Variants in LIFR observed in about 807,000 individuals in gnomAD.
LIFR encodes LIF receptor subunit alpha.
A neutral mutation model predicts 122.2 loss-of-function variants in LIFR; 84 were observed. The observed-to-expected ratio is 0.69, with a 90% CI of 0.58 to 0.82. The LOEUF (loss-of-function observed/expected upper bound fraction) is 0.82, where lower values mean the gene tolerates loss of function less well. Ranked by LOEUF, LIFR falls within the 40% of genes least tolerant of loss-of-function variation. The pLI is 0.00. For missense variants in LIFR, 1,294 were observed against 1,311.6 expected, an observed-to-expected ratio of 0.99 and a Z score of 0.21; for synonymous variants, 422 against 434.7, an observed-to-expected ratio of 0.97 and a Z score of 0.36.
At chr5:38,556,786 G>C (rs1254627116), upstream of LIFR, 2 of 145,514 alleles carry the variant, frequency 1.4e-5, no homozygotes, top group African/African-American at 5.0e-5. Context: ...GCGCGCCCGC[G>C]CGCGCGGGTG....
chr5:38,585,163 G>C (rs1446241960), intron 1 of LIFR, among the ~76,000 whole-genome samples: 2 of 152,150 alleles, frequency 1.3e-5, no homozygotes, highest in Non-Finnish European at 2.9e-5. Flanking sequence ...AAGAAATAAA[G>C]AGAATTTAAG....
At position 38,489,251 on chromosome 5, in the gene LIFR, A is replaced by G. The variant is rs1416303707; in HGVS notation, c.2168-6T>C. The G allele has an allele frequency of 6.2e-7, 1 of 1,610,182 alleles. No homozygotes were observed. Among genetic ancestry groups the G allele is most frequent in the Non-Finnish European group, 8.5e-7 (1 of 1,177,804 alleles). ...ATTTGGTGCAACAATGGGAGCTGTA[A>G]AAGGAAAAAGTCAATTGCTAAAGGG... On this transcript the variant is annotated splice_region_variant and splice_polypyrimidine_tract_variant and intron_variant, in intron 15 of 19. Coordinates refer to ENST00000453190, the MANE Select transcript of LIFR (RefSeq NM_001127671.2).
At chr5:38,571,740 TG>T (rs1379282182) in intron 1 of LIFR, among the ~76,000 whole-genome samples, 1 of 152,200 alleles carries the variant, frequency 6.6e-6, no homozygotes, top group Non-Finnish European at 1.5e-5. Context: ...CCATGGTCAA[TG>T]AATTTGGAAA....
chr5:38,523,233 T>C (rs982524432), intron 5 of LIFR, among the ~76,000 whole-genome samples, 186 bp downstream of exon 5: 2 of 152,202 alleles, frequency 1.3e-5, no homozygotes, highest in African/African-American at 4.8e-5. Flanking sequence ...TCTGTAATGG[T>C]TACACATCAT....
chr5:38,583,979 C>T (rs1046307527), intron 1 of LIFR, among the ~76,000 whole-genome samples: 6 of 152,048 alleles, frequency 3.9e-5, no homozygotes, highest in African/African-American at 1.4e-4. Flanking sequence ...CCATGTGAGG[C>T]CTCCCCAGCC....
At chr5:38,546,783 C>A (rs373259660) in intron 1 of LIFR, among the ~76,000 whole-genome samples, 1 of 152,188 alleles carries the variant, frequency 6.6e-6, no homozygotes, top group Non-Finnish European at 1.5e-5. Flanking sequence ...CGTCCACTGT[C>A]CCTGTAAGCA....
upstream of LIFR, among the ~76,000 whole-genome samples, chr5:38,598,229 T>TA (rs1750149166): frequency 4.5e-5 from 2 of 44,436 alleles, no homozygotes; most frequent in Admixed American, 2.4e-4. Context: ...TTTTTTTTTT[T>TA]TTTATTTATT....
At chr5:38,525,426 A>G (rs2112552319) in intron 4 of LIFR, among the ~76,000 whole-genome samples, 3 of 152,352 alleles carry the variant, frequency 2.0e-5, no homozygotes, top group Middle Eastern at 6.8e-3. Flanking sequence ...GGGCTAGGGT[A>G]GCTGAATATG....
intron 1 of LIFR, among the ~76,000 whole-genome samples, chr5:38,569,118 G>T (rs896414250): frequency 3.9e-5 from 6 of 152,154 alleles, no homozygotes; most frequent in African/African-American, 9.7e-5. Context: ...GCACCATATC[G>T]CAACACCCTG....
rs1367019175 is a variant in LIFR, at chr5:38,526,547, G to A, written c.397+608C>T. On this transcript the variant is annotated intron_variant, in intron 4 of 19. Coordinates refer to ENST00000453190, the MANE Select transcript of LIFR (RefSeq NM_001127671.2). Reference sequence around the variant, plus strand: ...CTTTTATTTAGTAGCAAATTGTCAAGAGATCCAGATCCTCTAAAGGACAGC... The same window carrying A: ...CTTTTATTTAGTAGCAAATTGTCAAAAGATCCAGATCCTCTAAAGGACAGC... 2.6e-5 allele frequency among the ~76,000 whole-genome samples: 4 copies of A among 152,048 alleles called. 1 individual carries two copies. In the East Asian group the frequency reaches 7.7e-4, roughly 29 times the overall value.
intron 1 of LIFR, among the ~76,000 whole-genome samples, chr5:38,578,974 A>G (rs550566275): frequency 1.8e-4 from 27 of 152,370 alleles, no homozygotes; most frequent in African/African-American, 6.5e-4. Context: ...CAATCAATAC[A>G]GAATGAGTAC....
chr5:38,523,670 C>T, intron 4 of LIFR, 88 bp from the exon 5 acceptor site: 1 of 1,044,932 alleles, frequency 9.6e-7, no homozygotes, highest in Non-Finnish European at 1.5e-6. Context: ...TACTTATAAA[C>T]TCTATTCCTT....
intron 5 of LIFR, among the ~76,000 whole-genome samples, chr5:38,521,933 C>G (rs1017108778): frequency 2.6e-5 from 4 of 151,970 alleles, no homozygotes; most frequent in Non-Finnish European, 5.9e-5. Flanking sequence ...GTTCTGGCAC[C>G]AGGGCAAGGG....
rs755081052 is a variant in LIFR, at chr5:38,521,526, CCTGT to C, written c.561+1889_561+1892del. ...CAGTGGAAGTGGTAAGCCGAGTATG[CCTGT>C]CTTTGGACCCCAGGATGGCATTCAC... On this transcript the variant is annotated intron_variant, in intron 5 of 19. Transcript: ENST00000453190. Among the ~76,000 whole-genome samples the C allele has an allele frequency of 5.3e-5, 8 of 152,252 alleles. No individual in the cohort carries two copies. The South Asian group carries it at 1.7e-3, about 32-fold the overall frequency.
At chr5:38,495,563 A>G (rs1744834365) in intron 13 of LIFR, among the ~76,000 whole-genome samples, 1 of 152,216 alleles carries the variant, frequency 6.6e-6, no homozygotes, top group African/African-American at 2.4e-5. Flanking sequence ...TAACAATAAG[A>G]AACAGCCTCA....
chr5:38,535,684 G>C (rs554914621), intron 1 of LIFR, among the ~76,000 whole-genome samples: 4 of 152,044 alleles, frequency 2.6e-5, no homozygotes, highest in Admixed American at 6.6e-5. Flanking sequence ...AAACACATCC[G>C]AGTTCACTGT....
chr5:38,488,347 G>A (rs1021477437), intron 16 of LIFR, among the ~76,000 whole-genome samples: 11 of 152,172 alleles, frequency 7.2e-5, no homozygotes, highest in Non-Finnish European at 1.6e-4. Context: ...CTATTTCTCA[G>A]ACAGGCATTA....
At chr5:38,579,248 TCTGATAGAAGAAACACACCTTACCCACA>T (rs2112735311) in intron 1 of LIFR, 1 of 152,278 alleles carries the variant, frequency 6.6e-6, no homozygotes, top group East Asian at 1.9e-4. Flanking sequence ...TCTTCGAGTG[TCTGATAGAAGAAACACACCTTACCCACA>T]GCCATGTTAC....
chr5:38,607,712 C>T (rs991773021), intron 1 of LIFR: 1 of 152,318 alleles, frequency 6.6e-6, no homozygotes, highest in Non-Finnish European at 1.5e-5. Context: ...CCCACTTCCC[C>T]CCTCCATTTG....
Sources: allele counts gnomAD v4.1 joint callset (sites outside exome capture counted in the v4.1 genomes callset), GRCh38; gene constraint gnomAD v4.1.1; transcripts MANE v1.5; gene names NCBI Gene and HGNC (gene_info 2026-07-23, HGNC 2026-07-21).